Variants in ROR1 observed in about 807,000 individuals in gnomAD.
ROR1 encodes ROR family WNT receptor 1.
In ROR1, 19 loss-of-function variants were observed where a neutral mutation model predicts 78.8. The ratio of observed to expected loss-of-function variants is 0.24; its 90% CI spans 0.17 to 0.35. ROR1 has a LOEUF of 0.35. Ranked by LOEUF, ROR1 falls within the 10% of genes least tolerant of loss-of-function variation. ROR1 has a pLI of 1.00. For missense variants in ROR1, 917 were observed against 1,177.8 expected (o/e 0.78, Z 3.24); for synonymous variants, 386 against 433.6 (o/e 0.89, Z 1.36).
chr1:64,030,040 T>G (rs1646647055), intron 2 of ROR1, among the ~76,000 whole-genome samples: 1 of 152,220 alleles, frequency 6.6e-6, no homozygotes, highest in Non-Finnish European at 1.5e-5. Context: ...TTTTTGACTG[T>G]ATTTTGATTG....
intron 1 of ROR1, among the ~76,000 whole-genome samples, chr1:63,973,582 C>A (rs17125901): frequency 0.03 from 4,564 of 152,224 alleles, 236 homozygotes; most frequent in African/African-American, 0.1. Context: ...TGCTAAGTGA[C>A]TCCTGCTTCA....
intron 2 of ROR1, among the ~76,000 whole-genome samples, chr1:64,030,216 T>C (rs77286216): frequency 0.022 from 3,317 of 152,260 alleles, 48 homozygotes; most frequent in South Asian, 0.034. Flanking sequence ...TGGGTGGGTG[T>C]AGGCTAGATA....
At chr1:64,100,756 G>A (rs907671890) in intron 4 of ROR1, among the ~76,000 whole-genome samples, 1 of 152,150 alleles carries the variant, frequency 6.6e-6, no homozygotes, top group Non-Finnish European at 1.5e-5. Context: ...TCAAGCATTA[G>A]CAATCTACCC....
intron 8 of ROR1, among the ~76,000 whole-genome samples, chr1:64,164,069 C>G (rs938666927): frequency 6.6e-6 from 1 of 152,068 alleles, no homozygotes; most frequent in Admixed American, 6.6e-5. Flanking sequence ...TTCCTCCTAT[C>G]TGCTTCCCAC....
At chr1:64,134,870 C>G (rs915151882) in intron 4 of ROR1, among the ~76,000 whole-genome samples, 2 of 151,668 alleles carry the variant, frequency 1.3e-5, no homozygotes, top group Admixed American at 1.3e-4. Flanking sequence ...TACCTCAGCC[C>G]CCTGACTAGC....
chr1:64,038,388 C>T (rs552395511), intron 2 of ROR1, among the ~76,000 whole-genome samples: 65 of 152,278 alleles, frequency 4.3e-4, no homozygotes, highest in Admixed American at 1.3e-3. Context: ...CTTGTGAATG[C>T]CTTCAACACT....
intron 4 of ROR1, among the ~76,000 whole-genome samples, chr1:64,119,388 C>A (rs927849374): frequency 1.3e-5 from 2 of 152,030 alleles, no homozygotes; most frequent in African/African-American, 4.8e-5. Context: ...TGCCTGTAAT[C>A]CCAGCACTTT....
chr1:63,804,699 T>C (rs1043535325), intron 1 of ROR1, among the ~76,000 whole-genome samples: 1 of 152,184 alleles, frequency 6.6e-6, no homozygotes, highest in Non-Finnish European at 1.5e-5. Context: ...TAGGTATACA[T>C]GTGCAGGGCT....
chr1:64,079,670 C>T (rs555779237), intron 4 of ROR1, among the ~76,000 whole-genome samples: 6 of 152,010 alleles, frequency 3.9e-5, no homozygotes, highest in African/African-American at 1.4e-4. Flanking sequence ...TTAGTAGAAA[C>T]GGGGTTTCAC....
At chr1:64,124,039 A>ATACATAT (rs1648631578) in intron 4 of ROR1, among the ~76,000 whole-genome samples, 2 of 152,206 alleles carry the variant, frequency 1.3e-5, no homozygotes, top group East Asian at 3.8e-4. Context: ...AATGTGGAAA[A>ATACATAT]TACATATTAC....
At chr1:63,918,853 G>C (rs1411849875) in intron 1 of ROR1, among the ~76,000 whole-genome samples, 3 of 152,076 alleles carry the variant, frequency 2.0e-5, no homozygotes, top group Admixed American at 2.0e-4. Context: ...ACCTCATCTG[G>C]GTCCCAAAAT....
intron 4 of ROR1, among the ~76,000 whole-genome samples, chr1:64,095,987 A>C (rs1647288519): frequency 6.6e-6 from 1 of 152,176 alleles, no homozygotes; most frequent in Non-Finnish European, 1.5e-5. Flanking sequence ...ATACTATTCT[A>C]AAATAATTTG....
chr1:64,082,133 A>T (rs1335669996), intron 4 of ROR1, among the ~76,000 whole-genome samples: 1 of 152,150 alleles, frequency 6.6e-6, no homozygotes, highest in Non-Finnish European at 1.5e-5. Context: ...ATGAGCCTGT[A>T]GAGTGAGAAG....
intron 1 of ROR1, among the ~76,000 whole-genome samples, chr1:63,862,239 A>G (rs1645186360): frequency 6.6e-6 from 1 of 151,756 alleles, no homozygotes; most frequent in South Asian, 2.1e-4. Flanking sequence ...CTAAAAATAC[A>G]CAAAATTAGC....
intron 1 of ROR1, among the ~76,000 whole-genome samples, chr1:63,943,591 C>G (rs1329030255): frequency 1.3e-5 from 2 of 152,026 alleles, no homozygotes; most frequent in Non-Finnish European, 2.9e-5. Context: ...ATTAGCAGAG[C>G]AGATACCGGG....
At chr1:63,815,028 T>G (rs777463265) in intron 1 of ROR1, among the ~76,000 whole-genome samples, 2 of 152,230 alleles carry the variant, frequency 1.3e-5, no homozygotes, top group Non-Finnish European at 2.9e-5. Flanking sequence ...TGAATTGCCT[T>G]CACTTTTTGC....
intron 1 of ROR1, among the ~76,000 whole-genome samples, chr1:63,888,452 C>T (rs1645372105): frequency 6.6e-6 from 1 of 151,974 alleles, no homozygotes; most frequent in Non-Finnish European, 1.5e-5. Context: ...GAGATCCCAT[C>T]TTTACAAAAA....
chr1:63,888,679 A>G (rs1645373806), intron 1 of ROR1, among the ~76,000 whole-genome samples: 6 of 152,114 alleles, frequency 3.9e-5, no homozygotes, highest in Admixed American at 3.9e-4. Context: ...ACAGAAAAGC[A>G]TTGTGATGGA....
At chr1:63,961,462 A>G (rs1394231111) in intron 1 of ROR1, among the ~76,000 whole-genome samples, 1 of 152,228 alleles carries the variant, frequency 6.6e-6, no homozygotes, top group Non-Finnish European at 1.5e-5. Context: ...ATGAATGAAT[A>G]ATGAAAATGT....
Sources: gnomAD v4.1 joint callset for allele counts (sites outside exome capture counted in the v4.1 genomes callset) on GRCh38, gnomAD v4.1.1 for gene constraint, MANE v1.5 for transcripts, NCBI Gene and HGNC (gene_info 2026-07-23, HGNC 2026-07-21) for gene names.